PRR16: variants seen among roughly 807,000 people sequenced by gnomAD.
PRR16 encodes proline rich 16, also known as protein Largen.
PRR16 carries 6 observed loss-of-function variants against 18.2 expected under a neutral mutation model. That is an observed-to-expected ratio of 0.33 (90% confidence interval 0.18 to 0.65). The LOEUF (loss-of-function observed/expected upper bound fraction) is 0.65, where lower values mean the gene tolerates loss of function less well. PRR16 is among the 30% of genes least tolerant of loss of function. The pLI, the probability that PRR16 is intolerant of heterozygous loss-of-function variation, is 0.74. For synonymous variants in PRR16, 151 were observed against 147.8 expected (o/e 1.02, Z -0.16); for missense variants, 412 against 376.6 (o/e 1.09, Z -0.78).
chr5:120,784,382 T>C, the PRR16 span, among the ~76,000 whole-genome samples: 22 of 152,322 alleles, frequency 1.4e-4, no homozygotes, highest in South Asian at 4.1e-3. Flanking sequence ...ATTTTCTCTA[T>C]TTCATAAAAA....
intron 1 of PRR16, among the ~76,000 whole-genome samples, chr5:120,576,231 G>T (rs1015525684): frequency 2.6e-5 from 4 of 152,088 alleles, no homozygotes; most frequent in African/African-American, 9.7e-5. Flanking sequence ...TATGGACTGG[G>T]AGAATATGTT....
the PRR16 span, among the ~76,000 whole-genome samples, chr5:120,707,888 G>A: frequency 6.6e-6 from 1 of 152,154 alleles, no homozygotes; most frequent in Non-Finnish European, 1.5e-5. Context: ...CTTGTCAGCT[G>A]GGAAAACATC....
intron 1 of PRR16, among the ~76,000 whole-genome samples, chr5:120,596,771 T>C (rs1375114404): frequency 6.6e-6 from 1 of 151,734 alleles, no homozygotes; most frequent in African/African-American, 2.4e-5. Flanking sequence ...ATGCATTTTT[T>C]CTGTATTTAT....
chr5:120,702,510 G>C, the PRR16 span, among the ~76,000 whole-genome samples: 1 of 152,080 alleles, frequency 6.6e-6, no homozygotes, highest in African/African-American at 2.4e-5. Flanking sequence ...CAGAAAAGCG[G>C]GACTTGCTGT....
At chr5:120,524,373 A>G (rs1751283696) in intron 1 of PRR16, among the ~76,000 whole-genome samples, 1 of 152,182 alleles carries the variant, frequency 6.6e-6, no homozygotes. Flanking sequence ...GATATAACAT[A>G]TCTAATGTAC....
intron 1 of PRR16, among the ~76,000 whole-genome samples, chr5:120,523,981 A>G (rs566106951): frequency 6.6e-5 from 10 of 152,190 alleles, no homozygotes; most frequent in Non-Finnish European, 1.2e-4. Context: ...GTACTTGGAT[A>G]TGAACTTTGA....
rs1580868549 is a variant in PRR16, at chr5:120,675,596, C to A, written c.160-10358C>A. 2.6e-5 allele frequency among the ~76,000 whole-genome samples: 4 copies of A among 152,236 alleles called. No homozygotes were observed. The East Asian group carries it at 7.7e-4, about 29-fold the overall frequency. ...ATATCTGATTAGATTTCACTTTTCT[C>A]TGAAAGTTTTCTGAGTTTATTACTA... On this transcript the variant is annotated intron_variant, in intron 1 of 1. Coordinates refer to ENST00000407149, the MANE Select transcript of PRR16 (RefSeq NM_001300783.2).
At chr5:120,571,755 G>T (rs780434696) in intron 1 of PRR16, among the ~76,000 whole-genome samples, 27 of 152,136 alleles carry the variant, frequency 1.8e-4, no homozygotes, top group Non-Finnish European at 3.8e-4. Flanking sequence ...GACAATTGTT[G>T]TATTATGTAT....
chr5:120,613,534 A>C (rs1754404034), intron 1 of PRR16, among the ~76,000 whole-genome samples: 1 of 152,114 alleles, frequency 6.6e-6, no homozygotes, highest in Admixed American at 6.6e-5. Flanking sequence ...TTTGGGAAAA[A>C]ATAGAACATA....
At chr5:120,707,866 A>G in the PRR16 span, among the ~76,000 whole-genome samples, 1 of 152,174 alleles carries the variant, frequency 6.6e-6, no homozygotes, top group Non-Finnish European at 1.5e-5. Flanking sequence ...TCTCTTGCAT[A>G]TGGGAATGAG....
At chr5:120,725,024 A>T in the PRR16 span, among the ~76,000 whole-genome samples, 11 of 152,212 alleles carry the variant, frequency 7.2e-5, no homozygotes, top group Admixed American at 5.9e-4. Context: ...GAAAAAGATT[A>T]TTAGAGAGAA....
the PRR16 span, among the ~76,000 whole-genome samples, chr5:120,760,449 T>G: frequency 6.6e-6 from 1 of 152,102 alleles, no homozygotes; most frequent in South Asian, 2.1e-4. Context: ...TTAAAGCATA[T>G]TCCAGGTATC....
intron 1 of PRR16, among the ~76,000 whole-genome samples, chr5:120,538,414 GAACAAC>G (rs1751798565): frequency 6.6e-6 from 1 of 152,222 alleles, no homozygotes; most frequent in East Asian, 1.9e-4. Flanking sequence ...TTGTCTGTAG[GAACAAC>G]AGTCATCTAT....
chr5:120,669,301 T>C (rs943104989), intron 1 of PRR16, among the ~76,000 whole-genome samples: 2 of 152,084 alleles, frequency 1.3e-5, no homozygotes, highest in Non-Finnish European at 2.9e-5. Context: ...TATGAGGCCC[T>C]CACACCCTCC....
At chr5:120,689,836 A>G (rs1363639035), downstream of PRR16, among the ~76,000 whole-genome samples, 1 of 152,054 alleles carries the variant, frequency 6.6e-6, no homozygotes, top group Non-Finnish European at 1.5e-5. Context: ...TTGAAAAGAA[A>G]ATAAAAATTG....
the PRR16 span, among the ~76,000 whole-genome samples, chr5:120,735,608 C>T: frequency 6.6e-6 from 1 of 152,014 alleles, no homozygotes; most frequent in Admixed American, 6.6e-5. Context: ...TGGCCATTTG[C>T]ATATCTTTGG....
intron 1 of PRR16, among the ~76,000 whole-genome samples, chr5:120,510,471 CT>C (rs1750791892): frequency 6.6e-6 from 1 of 152,114 alleles, no homozygotes; most frequent in Non-Finnish European, 1.5e-5. Flanking sequence ...ACAGAGCCTG[CT>C]ATCTGTGAGA....
chr5:120,701,445 A>C, the PRR16 span, among the ~76,000 whole-genome samples: 1 of 152,200 alleles, frequency 6.6e-6, no homozygotes, highest in Non-Finnish European at 1.5e-5. Context: ...GGGATAAAGA[A>C]AAAGGAGCAT....
intron 1 of PRR16, among the ~76,000 whole-genome samples, chr5:120,588,202 G>C (rs111636683): frequency 5.9e-5 from 9 of 152,102 alleles, no homozygotes; most frequent in African/African-American, 1.7e-4. Context: ...ATCTACTTCT[G>C]GTGAAAATGT....
Sources: allele counts gnomAD v4.1 joint callset (sites outside exome capture counted in the v4.1 genomes callset), GRCh38; gene constraint gnomAD v4.1.1; transcripts MANE v1.5; gene names NCBI Gene and HGNC (gene_info 2026-07-23, HGNC 2026-07-21).